PDSS2: variants seen among roughly 807,000 people sequenced by gnomAD.
PDSS2 encodes the protein all trans-polyprenyl-diphosphate synthase PDSS2.
In PDSS2, 31 loss-of-function variants were observed where a neutral mutation model predicts 44.5. The ratio of observed to expected loss-of-function variants is 0.70; its 90% CI spans 0.52 to 0.94. The LOEUF is 0.94. Ranked by LOEUF, PDSS2 falls within the 40% of genes least tolerant of loss-of-function variation. PDSS2 has a pLI of 0.00. For missense variants in PDSS2, 452 were observed against 482.2 expected, an observed-to-expected ratio of 0.94 and a Z score of 0.59; for synonymous variants, 157 against 180.3, an observed-to-expected ratio of 0.87 and a Z score of 1.03.
At chr6:107,237,889 C>G (rs532196437) in intron 4 of PDSS2, among the ~76,000 whole-genome samples, 1 of 146,214 alleles carries the variant, frequency 6.8e-6, no homozygotes, top group East Asian at 2.0e-4. Context: ...GAGCAAGACT[C>G]CGTCTCTGAA....
chr6:107,290,596 T>G (rs1443907631), intron 2 of PDSS2, among the ~76,000 whole-genome samples: 1 of 152,124 alleles, frequency 6.6e-6, no homozygotes, highest in Non-Finnish European at 1.5e-5. Context: ...GACACTAGCT[T>G]CTTTGTTATT....
At chr6:107,223,240 A>T (rs537859590) in intron 4 of PDSS2, among the ~76,000 whole-genome samples, 5 of 150,468 alleles carry the variant, frequency 3.3e-5, no homozygotes, top group East Asian at 2.0e-4. Flanking sequence ...ACATTTTTTT[A>T]AAAAATTGGC....
At chr6:107,223,404 G>A (rs1773683025) in intron 4 of PDSS2, among the ~76,000 whole-genome samples, 1 of 150,988 alleles carries the variant, frequency 6.6e-6, no homozygotes, top group Non-Finnish European at 1.5e-5. Flanking sequence ...GGTGGCATGT[G>A]CCTGTGGTCC....
At chr6:107,226,798 T>C (rs1412430642) in intron 4 of PDSS2, among the ~76,000 whole-genome samples, 11 of 150,732 alleles carry the variant, frequency 7.3e-5, no homozygotes, top group African/African-American at 2.7e-4. Context: ...GCCTCCTGAG[T>C]AGCTGGGATT....
Position 107,459,260 on chromosome 6 carries a change from T to C in PDSS2, c.26A>G (p.His9Arg), listed in dbSNP as rs1419713675. 3.7e-6 allele frequency: 6 copies of C among 1,613,814 alleles called. No individual in the cohort carries two copies. Among genetic ancestry groups the C allele is most frequent in the Non-Finnish European group, 5.1e-6 (6 of 1,179,970 alleles). Reference sequence around the variant, plus strand: ...CGAGGCTCCAAGATAACGTGGCAAGTGCAACAGCAGCTGCCGAAAGTTCAT... The same window carrying C: ...CGAGGCTCCAAGATAACGTGGCAAGCGCAACAGCAGCTGCCGAAAGTTCAT... MNFRQLLL[H>R]LPRYLGASGS... The change falls in exon 1 of 8, where the codon CAC (histidine) becomes CGC (arginine). Residue 9 changes from histidine to arginine, a missense_variant. Transcript: ENST00000369037. The surrounding 1 kb of genome is among the most constrained non-coding windows in gnomAD (Gnocchi z 4.3).
At chr6:107,155,138 T>C (rs1562337314) in intron 7 of PDSS2, among the ~76,000 whole-genome samples, 1 of 134,228 alleles carries the variant, frequency 7.5e-6, no homozygotes, top group Non-Finnish European at 1.6e-5. Context: ...CCTGATATTC[T>C]TCCCTTTTTT....
intron 4 of PDSS2, among the ~76,000 whole-genome samples, chr6:107,235,720 G>A (rs1227742346): frequency 1.3e-5 from 2 of 152,108 alleles, no homozygotes; most frequent in Non-Finnish European, 2.9e-5. Flanking sequence ...AAAAAAATCA[G>A]TCAATTGAAA....
At chr6:107,212,394 A>G (rs891687910) in intron 4 of PDSS2, 112 bp from the exon 5 acceptor site, 2 of 827,030 alleles carry the variant, frequency 2.4e-6, no homozygotes, top group Non-Finnish European at 1.9e-6. Flanking sequence ...CACTCAGGCT[A>G]TTGGAACAAG....
At chr6:107,378,775 C>A (rs1469994849) in intron 1 of PDSS2, among the ~76,000 whole-genome samples, 1 of 152,120 alleles carries the variant, frequency 6.6e-6, no homozygotes, top group African/African-American at 2.4e-5. Flanking sequence ...GACAGAGTAT[C>A]CGTCTCAACA....
intron 2 of PDSS2, among the ~76,000 whole-genome samples, chr6:107,331,302 C>T (rs1376080866): frequency 2.6e-5 from 4 of 152,122 alleles, no homozygotes; most frequent in South Asian, 2.1e-4. Context: ...AACACCCAAA[C>T]ACCCCCAATG....
At chr6:107,370,243 G>C (rs924161751) in intron 1 of PDSS2, among the ~76,000 whole-genome samples, 2 of 152,156 alleles carry the variant, frequency 1.3e-5, no homozygotes, top group African/African-American at 2.4e-5. Flanking sequence ...TCATTCAGGA[G>C]TTTTAGCACA....
intron 1 of PDSS2, among the ~76,000 whole-genome samples, chr6:107,392,474 CA>C (rs1002558414): frequency 3.3e-5 from 5 of 151,624 alleles, no homozygotes; most frequent in Admixed American, 3.3e-4. Context: ...TTAAAATTCT[CA>C]AAAAAAAGTT....
intron 3 of PDSS2, among the ~76,000 whole-genome samples, chr6:107,268,735 T>C (rs1229303086): frequency 6.6e-6 from 1 of 152,168 alleles, no homozygotes; most frequent in Non-Finnish European, 1.5e-5. Flanking sequence ...AGTTTATGGT[T>C]AGTTTGAAAT....
At chr6:107,236,293 C>A (rs1774220118) in intron 4 of PDSS2, among the ~76,000 whole-genome samples, 1 of 152,076 alleles carries the variant, frequency 6.6e-6, no homozygotes. Flanking sequence ...ATATTTCAGA[C>A]ACACAAAAGC....
chr6:107,412,527 A>T (rs1391124429), intron 1 of PDSS2, among the ~76,000 whole-genome samples: 2 of 152,192 alleles, frequency 1.3e-5, no homozygotes, highest in Admixed American at 1.3e-4. Flanking sequence ...GGTGTGAAAC[A>T]CTGTGCCCAG....
At chr6:107,373,234 C>T (rs1779181074) in intron 1 of PDSS2, among the ~76,000 whole-genome samples, 1 of 152,102 alleles carries the variant, frequency 6.6e-6, no homozygotes, top group Non-Finnish European at 1.5e-5. Context: ...ATCCGCCCGC[C>T]TTGGACTCCC....
rs575754525 is a variant in PDSS2 at position 107,318,175 on chromosome 6, G to C, written c.431+16023C>G. On this transcript the variant is annotated intron_variant, in intron 2 of 7. Transcript: ENST00000369037. The stretch of plus-strand genomic sequence containing the variant: ...GGGAGAATAACAAAAGGAATCCTGA[G>C]CGGTAAACAGGTGGGGAGGTTATCA... Among the ~76,000 whole-genome samples the C allele has an allele frequency of 2.0e-5, 3 of 152,108 alleles. No individual in the cohort carries two copies. In the East Asian group the frequency reaches 5.8e-4, roughly 29 times the overall value.
chr6:107,431,914 G>T (rs995689852), intron 1 of PDSS2, among the ~76,000 whole-genome samples: 2 of 152,192 alleles, frequency 1.3e-5, no homozygotes, highest in African/African-American at 4.8e-5. Context: ...ACATAGCTAG[G>T]AAATGGCAGT....
At chr6:107,283,609 A>G (rs1288804102) in intron 2 of PDSS2, among the ~76,000 whole-genome samples, 1 of 152,056 alleles carries the variant, frequency 6.6e-6, no homozygotes, top group African/African-American at 2.4e-5. Context: ...GATTCCAGCT[A>G]CTTGGGAGGC....
Sources: gnomAD v4.1 joint callset for allele counts (sites outside exome capture counted in the v4.1 genomes callset) on GRCh38, gnomAD v4.1.1 for gene constraint, Gnocchi (gnomAD v3.1) non-coding constraint, MANE v1.5 for transcripts, NCBI Gene and HGNC (gene_info 2026-07-23, HGNC 2026-07-21) for gene names.